Variants in NALF1 observed in about 807,000 individuals in gnomAD.
The protein encoded by NALF1 is NALCN channel auxiliary factor 1.
NALF1 carries 3 observed loss-of-function variants against 48.4 expected under a neutral mutation model. The observed-to-expected ratio is 0.06, with a 90% CI of 0.03 to 0.16. The LOEUF (loss-of-function observed/expected upper bound fraction) is 0.16, where lower values mean the gene tolerates loss of function less well. Ranked by LOEUF, NALF1 falls within the 10% of genes least tolerant of loss-of-function variation. The pLI, the probability that NALF1 is intolerant of heterozygous loss-of-function variation, is 1.00. For missense variants in NALF1, 526 were observed against 571.5 expected, an observed-to-expected ratio of 0.92 and a Z score of 0.81; for synonymous variants, 262 against 245.7, an observed-to-expected ratio of 1.07 and a Z score of -0.62.
intron 1 of NALF1, among the ~76,000 whole-genome samples, chr13:107,245,951 CA>C (rs1366863522): frequency 3.3e-5 from 5 of 152,194 alleles, no homozygotes; most frequent in African/African-American, 1.2e-4. Flanking sequence ...ACTTAACACT[CA>C]GCACCTGTAA....
chr13:107,818,253 T>C (rs1433318365), intron 1 of NALF1, among the ~76,000 whole-genome samples: 1 of 152,148 alleles, frequency 6.6e-6, no homozygotes, highest in East Asian at 1.9e-4. Context: ...AGAATAACTC[T>C]GCCCACCTGC....
At chr13:107,622,415 T>C (rs1252188338) in intron 1 of NALF1, among the ~76,000 whole-genome samples, 2 of 150,546 alleles carry the variant, frequency 1.3e-5, no homozygotes, top group African/African-American at 4.9e-5. Flanking sequence ...CACCCCAGCC[T>C]GGGCAACAAC....
intron 1 of NALF1, among the ~76,000 whole-genome samples, chr13:107,470,155 T>A (rs1053548973): frequency 2.0e-4 from 31 of 152,178 alleles, no homozygotes; most frequent in African/African-American, 5.5e-4. Flanking sequence ...AATGCTAGAA[T>A]AATAAAATCT....
At chr13:107,631,094 C>T (rs555162746) in intron 1 of NALF1, among the ~76,000 whole-genome samples, 33 of 152,260 alleles carry the variant, frequency 2.2e-4, no homozygotes, top group African/African-American at 7.2e-4. Context: ...ACCTCATGGG[C>T]TCAAGCAATC....
intron 1 of NALF1, among the ~76,000 whole-genome samples, chr13:107,582,629 G>T (rs1678345348): frequency 6.6e-6 from 1 of 152,054 alleles, no homozygotes; most frequent in Admixed American, 6.6e-5. Flanking sequence ...GTTACAAATT[G>T]TTTCTTTTCT....
chr13:107,519,586 C>A (rs1488364921), intron 1 of NALF1, among the ~76,000 whole-genome samples: 1 of 152,064 alleles, frequency 6.6e-6, no homozygotes, highest in Non-Finnish European at 1.5e-5. Flanking sequence ...AGCTGTTAAA[C>A]AATAGCTGCT....
At chr13:107,506,580 T>G (rs182922942) in intron 1 of NALF1, among the ~76,000 whole-genome samples, 3 of 90,310 alleles carry the variant, frequency 3.3e-5, no homozygotes, top group Admixed American at 1.0e-4. Context: ...AGGCAGCCAC[T>G]GTTGTGCATT....
chr13:107,408,752 AG>A (rs1184882045), intron 1 of NALF1, among the ~76,000 whole-genome samples: 3 of 152,134 alleles, frequency 2.0e-5, no homozygotes, highest in African/African-American at 7.2e-5. Context: ...TGAGAGAGAA[AG>A]GCATATGGTA....
chr13:107,256,687 GACT>G (rs149008603), intron 1 of NALF1, among the ~76,000 whole-genome samples: 17,182 of 152,064 alleles, frequency 0.11, 1,134 homozygotes, highest in African/African-American at 0.17. Flanking sequence ...TAAAAGTTGG[GACT>G]ACCCTTGTTT....
chr13:107,236,714 T>TA (rs1880354744), intron 1 of NALF1, among the ~76,000 whole-genome samples: 1 of 149,978 alleles, frequency 6.7e-6, no homozygotes, highest in African/African-American at 2.5e-5. Flanking sequence ...TCTATCTATC[T>TA]ATCTATCTAT....
At chr13:107,520,330 A>C (rs1221037292) in intron 1 of NALF1, among the ~76,000 whole-genome samples, 1 of 152,216 alleles carries the variant, frequency 6.6e-6, no homozygotes, top group Non-Finnish European at 1.5e-5. Flanking sequence ...AATGAATTTC[A>C]GGCCTCCCTA....
rs140893647 is a variant in NALF1, at chr13:107,459,587, C to T, written c.916-248832G>A. 8.2e-3 allele frequency among the ~76,000 whole-genome samples: 1,243 copies of T among 152,154 alleles called. 7 individuals are homozygous for T. The highest frequency in any genetic ancestry group is 0.012 in the Non-Finnish European group (831 of 68,010). ...AGTACACTGCACATATTTTCTCTGACAGAGTTCAAGAAATATTTGCATTCC... is the reference window on the plus strand; with the variant it reads ...AGTACACTGCACATATTTTCTCTGATAGAGTTCAAGAAATATTTGCATTCC... On this transcript the variant is annotated intron_variant, in intron 1 of 2. Coordinates refer to ENST00000375915, the MANE Select transcript of NALF1 (RefSeq NM_001080396.3).
At chr13:107,777,900 A>G (rs1038024663) in intron 1 of NALF1, among the ~76,000 whole-genome samples, 2 of 152,214 alleles carry the variant, frequency 1.3e-5, no homozygotes, top group Admixed American at 1.3e-4. Flanking sequence ...ATGTTTAACA[A>G]AAGGGAAACA....
chr13:107,865,623 C>T, intron 1 of NALF1, 59 bp downstream of exon 1: 1 of 1,556,942 alleles, frequency 6.4e-7, no homozygotes, highest in Non-Finnish European at 8.7e-7. Flanking sequence ...TGAGAAGACA[C>T]CCCAACCAAG....
intron 1 of NALF1, among the ~76,000 whole-genome samples, chr13:107,771,292 T>A (rs549022414): frequency 6.6e-6 from 1 of 151,232 alleles, no homozygotes; most frequent in Non-Finnish European, 1.5e-5. Context: ...TGAAATCCGC[T>A]TTCAAAAAAT....
chr13:107,863,384 C>T (rs7988443), intron 1 of NALF1, among the ~76,000 whole-genome samples: 33,087 of 152,052 alleles, frequency 0.22, 3,868 homozygotes, highest in East Asian at 0.48. Context: ...CTACATATAA[C>T]CAATTGATTT....
intron 1 of NALF1, among the ~76,000 whole-genome samples, chr13:107,862,502 TATGTA>T (rs960608520): frequency 4.6e-5 from 7 of 152,090 alleles, no homozygotes; most frequent in African/African-American, 1.7e-4. Flanking sequence ...CTACTCAATT[TATGTA>T]ATGTAGCAAA....
chr13:107,368,802 G>C (rs1477926137), intron 1 of NALF1, among the ~76,000 whole-genome samples: 1 of 152,134 alleles, frequency 6.6e-6, no homozygotes, highest in Non-Finnish European at 1.5e-5. Context: ...CAGGTTCTTG[G>C]AATTGGCCTG....
At chr13:107,584,312 G>C (rs1878393228) in intron 1 of NALF1, among the ~76,000 whole-genome samples, 2 of 152,130 alleles carry the variant, frequency 1.3e-5, no homozygotes, top group African/African-American at 4.8e-5. Context: ...TGGAAAGTTG[G>C]ATAGTCTAAA....
Sources: allele counts gnomAD v4.1 joint callset (sites outside exome capture counted in the v4.1 genomes callset), GRCh38; gene constraint gnomAD v4.1.1; transcripts MANE v1.5; gene names NCBI Gene and HGNC (gene_info 2026-07-23, HGNC 2026-07-21).